Variants in CPNE8 observed in about 807,000 individuals in gnomAD.
The protein encoded by CPNE8 is copine-8.
CPNE8 carries 45 observed loss-of-function variants against 81.5 expected under a neutral mutation model. That is an observed-to-expected ratio of 0.55 (90% CI 0.44 to 0.71). The LOEUF is 0.71. Among genes scored for constraint, CPNE8 ranks in the 30% least tolerant of loss-of-function variants. The pLI, the probability that CPNE8 is intolerant of heterozygous loss-of-function variation, is 0.00. For missense variants in CPNE8, 594 were observed against 672.1 expected, an observed-to-expected ratio of 0.88 and a Z score of 1.28; for synonymous variants, 252 against 226.3, an observed-to-expected ratio of 1.11 and a Z score of -1.02.
At chr12:38,842,492 T>C (rs970241690) in intron 4 of CPNE8, among the ~76,000 whole-genome samples, 1 of 151,876 alleles carries the variant, frequency 6.6e-6, no homozygotes, top group Non-Finnish European at 1.5e-5. Flanking sequence ...CATTATCTCA[T>C]AGGTAATTTA....
chr12:38,724,912 ATAAAACAAT>A lies in CPNE8; in HGVS notation c.799-22_799-14del. On this transcript the variant is annotated splice_polypyrimidine_tract_variant and intron_variant, in intron 11 of 19. Coordinates refer to ENST00000331366, the MANE Select transcript of CPNE8 (RefSeq NM_153634.3). ...TGGGATTCACCACCTTAAAAAGCAG[ATAAAACAAT>A]TAAAATGTGTTAGGTTTTATACCGA... 6.6e-7 allele frequency: 1 copy of A among 1,523,146 alleles called. No individual in the cohort carries two copies. Among genetic ancestry groups the A allele is most frequent in the East Asian group, 2.3e-5 (1 of 43,410 alleles). 94.4% of individuals were successfully genotyped at this position (1,523,146 alleles called of 1,614,324 possible). A position where few individuals can be genotyped will look rare whatever the true frequency, so the allele number is the denominator to read the frequency against.
At position 38,856,964 on chromosome 12, in the gene CPNE8, T is replaced by G. The variant is rs12315848; in HGVS notation, c.187-8302A>C. 5.2e-3 allele frequency among the ~76,000 whole-genome samples: 778 copies of G among 149,146 alleles called. 6 individuals are homozygous for G. Among genetic ancestry groups the G allele is most frequent in the African/African-American group, 0.018 (745 of 40,594 alleles). Reference sequence around the variant, plus strand: ...CTGCACTATACTATGAGTATCAGGGTTTTTTTTTTCAATATACAGCCTATA... The same window carrying G: ...CTGCACTATACTATGAGTATCAGGGGTTTTTTTTTCAATATACAGCCTATA... On this transcript the variant is annotated intron_variant, in intron 3 of 19. Coordinates refer to ENST00000331366, the MANE Select transcript of CPNE8 (RefSeq NM_153634.3).
At chr12:38,797,662 C>G (rs1008339625) in intron 6 of CPNE8, among the ~76,000 whole-genome samples, 10 of 152,220 alleles carry the variant, frequency 6.6e-5, no homozygotes, top group Non-Finnish European at 8.8e-5. Context: ...CCAAAGGAAC[C>G]CAGTTCCTCA....
At chr12:38,710,139 A>T (rs530964874) in intron 13 of CPNE8, among the ~76,000 whole-genome samples, 20 of 151,944 alleles carry the variant, frequency 1.3e-4, no homozygotes, top group Admixed American at 3.3e-4. Flanking sequence ...TCCAAAATAC[A>T]ACTTCATAAG....
At chr12:38,766,043 A>G (rs533537617) in intron 8 of CPNE8, among the ~76,000 whole-genome samples, 1 of 152,082 alleles carries the variant, frequency 6.6e-6, no homozygotes, top group African/African-American at 2.4e-5. Context: ...TATTTTTAGT[A>G]GAGACAGGGT....
At chr12:38,764,114 T>G (rs1350301600) in intron 8 of CPNE8, among the ~76,000 whole-genome samples, 2 of 152,250 alleles carry the variant, frequency 1.3e-5, no homozygotes, top group South Asian at 2.1e-4. Flanking sequence ...TGGTCAAATG[T>G]TCTCAGAGCT....
At chr12:38,906,502 C>T (rs1047738898), upstream of CPNE8, 72 of 985,568 alleles carry the variant, frequency 7.3e-5, no homozygotes, top group Non-Finnish European at 7.7e-5. Context: ...AAGTTCTGAC[C>T]TGAAAATGGG....
intron 10 of CPNE8, among the ~76,000 whole-genome samples, chr12:38,746,838 A>G (rs1941236098): frequency 6.6e-6 from 1 of 152,188 alleles, no homozygotes; most frequent in Non-Finnish European, 1.5e-5. Flanking sequence ...AATCCTATAT[A>G]TAAAAAAGAG....
intron 6 of CPNE8, among the ~76,000 whole-genome samples, chr12:38,809,857 C>G (rs1942897911): frequency 6.6e-6 from 1 of 152,106 alleles, no homozygotes; most frequent in Non-Finnish European, 1.5e-5. Flanking sequence ...AACAGATTAT[C>G]TGCTTCCAAC....
Position 38,807,945 on chromosome 12 carries a change from T to C in CPNE8, c.407+21434A>G, listed in dbSNP as rs953019945. Among the ~76,000 whole-genome samples, 284 of 151,848 alleles carry C rather than the reference T, an allele frequency of 1.9e-3. 1 individual carries two copies. The highest frequency in any genetic ancestry group is 6.5e-3 in the African/African-American group (271 of 41,404). On this transcript the variant is annotated intron_variant, in intron 6 of 19. Coordinates refer to ENST00000331366, the MANE Select transcript of CPNE8 (RefSeq NM_153634.3). The stretch of plus-strand genomic sequence containing the variant: ...ACCCCATCAAAAAGTGGGCAAAGGA[T>C]ATGAACAGACACTTCTCAAAAGAAG...
chr12:38,778,464 G>A (rs970786578), intron 6 of CPNE8, among the ~76,000 whole-genome samples: 2 of 151,946 alleles, frequency 1.3e-5, no homozygotes, highest in African/African-American at 2.4e-5. Context: ...TCATCAACTC[G>A]GTGACATTTT....
At chr12:38,704,820 G>GTATGTGTATATA (rs1201229537) in intron 13 of CPNE8, among the ~76,000 whole-genome samples, 532 of 52,018 alleles carry the variant, frequency 0.01, 72 homozygotes, top group African/African-American at 0.021. Flanking sequence ...GTGTGTGTAT[G>GTATGTGTATATA]TATGTGTATA....
chr12:38,834,749 T>C lies in CPNE8; in HGVS notation c.330+5167A>G, dbSNP rs186204322. ...AAAAGAAAAATCCAAACTCTTTTTTTAACTGTGGCCTCCAAATCTCTCCAT... is the reference window on the plus strand; with the variant it reads ...AAAAGAAAAATCCAAACTCTTTTTTCAACTGTGGCCTCCAAATCTCTCCAT... On this transcript the variant is annotated intron_variant, in intron 5 of 19. Transcript: ENST00000331366. Among the ~76,000 whole-genome samples the C allele has an allele frequency of 2.5e-3, 377 of 152,344 alleles. 1 individual carries two copies. The highest frequency in any genetic ancestry group is 3.8e-3 in the Non-Finnish European group (258 of 68,034).
At chr12:38,721,645 C>A (rs911596461) in intron 13 of CPNE8, among the ~76,000 whole-genome samples, 1 of 152,220 alleles carries the variant, frequency 6.6e-6, no homozygotes, top group Non-Finnish European at 1.5e-5. Context: ...GGGCTGAAAC[C>A]TGCCCATTGC....
At chr12:38,764,752 G>T (rs1020207053) in intron 8 of CPNE8, among the ~76,000 whole-genome samples, 1 of 151,128 alleles carries the variant, frequency 6.6e-6, no homozygotes, top group Admixed American at 6.6e-5. Flanking sequence ...CATTCTTAAA[G>T]ATCTGCAAAG....
chr12:38,752,882 TCTC>T (rs1369360132), intron 10 of CPNE8, among the ~76,000 whole-genome samples: 1 of 152,150 alleles, frequency 6.6e-6, no homozygotes, highest in Non-Finnish European at 1.5e-5. Context: ...ACTTGATAAT[TCTC>T]CTGTTGGTGA....
At chr12:38,723,727 TTA>T in intron 13 of CPNE8, 43 bp downstream of exon 13, 1 of 1,230,910 alleles carries the variant, frequency 8.1e-7, no homozygotes, top group Non-Finnish European at 1.2e-6. Context: ...TACACAAATT[TTA>T]GGAAATGCCT....
intron 14 of CPNE8, among the ~76,000 whole-genome samples, chr12:38,695,976 TC>T (rs1228741698): frequency 6.6e-6 from 1 of 151,568 alleles, no homozygotes; most frequent in East Asian, 1.9e-4. Context: ...AACGAATACT[TC>T]CCCCAACTCT....
At chr12:38,833,479 CTTTT>C (rs543470951) in intron 5 of CPNE8, among the ~76,000 whole-genome samples, 3 of 130,714 alleles carry the variant, frequency 2.3e-5, no homozygotes, top group Admixed American at 8.0e-5. Context: ...TGAAATTAAC[CTTTT>C]TTTTTTTTTT....
Sources: gnomAD v4.1 joint callset for allele counts (sites outside exome capture counted in the v4.1 genomes callset) on GRCh38, gnomAD v4.1.1 for gene constraint, MANE v1.5 for transcripts, NCBI Gene and HGNC (gene_info 2026-07-23, HGNC 2026-07-21) for gene names.